Variants in NT5C2 observed in about 807,000 individuals in gnomAD.
NT5C2 encodes the protein 5'-nucleotidase, cytosolic II.
A neutral mutation model predicts 76.1 loss-of-function variants in NT5C2; 58 were observed. The ratio of observed to expected loss-of-function variants is 0.76; its 90% CI spans 0.62 to 0.95. The LOEUF (loss-of-function observed/expected upper bound fraction) is 0.95, where lower values mean the gene tolerates loss of function less well. Among genes scored for constraint, NT5C2 ranks in the 40% least tolerant of loss-of-function variants. The pLI is 0.00. For synonymous variants in NT5C2, 229 were observed against 237.4 expected (o/e 0.96, Z 0.32); for missense variants, 478 against 690.3 (o/e 0.69, Z 3.45).
chr10:103,175,449 G>A (rs1014834536), intron 2 of NT5C2: 6 of 160,166 alleles, frequency 3.7e-5, no homozygotes, highest in South Asian at 1.8e-4. Context: ...CCCCATTCCC[G>A]TAAGACGCCA....
At chr10:103,191,098 A>C (rs1478030458) in intron 1 of NT5C2, among the ~76,000 whole-genome samples, 1 of 152,204 alleles carries the variant, frequency 6.6e-6, no homozygotes, top group Non-Finnish European at 1.5e-5. Context: ...TTGGTAAGAG[A>C]ATTAAGCAAC....
rs1251915161 is a variant in NT5C2, at chr10:103,156,357, A to G, written c.102-16878T>C. Among the ~76,000 whole-genome samples the G allele has an allele frequency of 2.0e-5, 3 of 152,206 alleles. No homozygotes were observed. The East Asian group carries it at 5.8e-4, about 29-fold the overall frequency. The stretch of plus-strand genomic sequence containing the variant: ...TGCTTAAATAAGACACTAAAATTTG[A>G]GCATGGTGACTATATTATTCCTCAC... On this transcript the variant is annotated intron_variant, in intron 3 of 18. Transcript: ENST00000404739.
intron 2 of NT5C2, among the ~76,000 whole-genome samples, chr10:103,180,938 GTACA>G (rs1408185040): frequency 6.6e-6 from 1 of 152,030 alleles, no homozygotes; most frequent in Non-Finnish European, 1.5e-5. Context: ...GACAAAAAGA[GTACA>G]TAGTGTATGA....
At chr10:103,171,901 T>C (rs1439952909) in intron 3 of NT5C2, among the ~76,000 whole-genome samples, 1 of 151,864 alleles carries the variant, frequency 6.6e-6, no homozygotes, top group East Asian at 1.9e-4. Context: ...TCTAATAAAA[T>C]AAATTTTTTT....
intron 4 of NT5C2, among the ~76,000 whole-genome samples, chr10:103,132,441 T>G (rs948782399): frequency 1.3e-5 from 2 of 152,190 alleles, no homozygotes; most frequent in Admixed American, 6.5e-5. Flanking sequence ...GGTGTTAATT[T>G]CTCAGTTTTT....
chr10:103,174,806 G>C, intron 3 of NT5C2, 52 bp downstream of exon 3: 1 of 1,124,056 alleles, frequency 8.9e-7, no homozygotes, highest in Non-Finnish European at 1.4e-6. Flanking sequence ...TCTGTAAAAT[G>C]AAGTCCCACT....
chr10:103,108,322 A>G (rs1310275957), intron 4 of NT5C2, among the ~76,000 whole-genome samples: 2 of 152,222 alleles, frequency 1.3e-5, no homozygotes, highest in African/African-American at 4.8e-5. Flanking sequence ...TGAGGCAAAA[A>G]TATCCATCCT....
chr10:103,163,305 G>A (rs1022309766), intron 3 of NT5C2, among the ~76,000 whole-genome samples: 1 of 152,146 alleles, frequency 6.6e-6, no homozygotes, highest in Admixed American at 6.6e-5. Flanking sequence ...CTAGGAGTGG[G>A]ATTTCTGGGT....
At chr10:103,125,176 T>C (rs1190036512) in intron 4 of NT5C2, 2 of 618,038 alleles carry the variant, frequency 3.2e-6, no homozygotes, top group Admixed American at 2.2e-5. Flanking sequence ...GCACATCAAA[T>C]CTGGGACTCA....
Position 103,090,955 on chromosome 10 carries a change from G to A in NT5C2, c.1253C>T (p.Ser418Phe). The A allele has an allele frequency of 3.1e-6, 5 of 1,613,866 alleles. No individual in the cohort carries two copies. Among genetic ancestry groups the A allele is most frequent in the Non-Finnish European group, 4.2e-6 (5 of 1,179,900 alleles). The change falls in exon 17 of 19, where the codon TCC becomes TTC. Residue 418 changes from serine to phenylalanine, a missense_variant. Coordinates refer to ENST00000404739, the MANE Select transcript of NT5C2 (RefSeq NM_001351169.2). ...GGATACCTTAATACGTCTCTGGATG[G>A]AACTGATGTCTGGACGCTCATTGCT... ...SSSNERPDISSIQRRIKKVTH... is the reference protein window; with the variant it reads ...SSSNERPDISFIQRRIKKVTH...
chr10:103,097,200 T>C (rs2068416732), intron 11 of NT5C2, 91 bp downstream of exon 11: 4 of 972,246 alleles, frequency 4.1e-6, no homozygotes. Context: ...CTATTTTCAC[T>C]TAATAAACTT....
intron 4 of NT5C2, among the ~76,000 whole-genome samples, chr10:103,129,774 G>A (rs1362933731): frequency 3.7e-5 from 4 of 107,388 alleles, no homozygotes; most frequent in South Asian, 3.4e-4. Flanking sequence ...CCCCCCGCCC[G>A]GCCAGCCGCC....
intron 3 of NT5C2, among the ~76,000 whole-genome samples, chr10:103,147,471 C>G (rs1479093027): frequency 6.6e-6 from 1 of 152,162 alleles, no homozygotes; most frequent in Non-Finnish European, 1.5e-5. Flanking sequence ...TATCAATATT[C>G]TGGTTGTGCC....
Position 103,089,457 on chromosome 10 carries a change from C to G in NT5C2, c.*215G>C, listed in dbSNP as rs545546625. ...ATTTTACCCTTATTTTCTTCTAATACAGACTCCATTACAATTTTGGACCAT... is the reference window on the plus strand; with the variant it reads ...ATTTTACCCTTATTTTCTTCTAATAGAGACTCCATTACAATTTTGGACCAT... On this transcript the variant is annotated 3_prime_UTR_variant, in exon 19 of 19. Transcript: ENST00000404739. 1.4e-6 allele frequency: 1 copy of G among 694,772 alleles called. No individual in the cohort carries two copies. The highest frequency in any genetic ancestry group is 3.8e-5 in the Admixed American group (1 of 26,128). The allele number at this position is 694,772 out of a possible 1,614,324, so 43.0% of individuals were successfully genotyped here.
intron 3 of NT5C2, among the ~76,000 whole-genome samples, chr10:103,161,105 G>T (rs937410441): frequency 3.3e-5 from 5 of 152,188 alleles, no homozygotes; most frequent in African/African-American, 1.2e-4. Flanking sequence ...ACTGGAAAAT[G>T]GTTTGGCAAA....
Position 103,101,346 on chromosome 10 carries a change from A to T in NT5C2, c.390-20T>A. ...TCTGGTCTGAAAGAAAAATTTAAAAATTAACTGATTTTTAAAATAACATTA... is the reference window on the plus strand; with the variant it reads ...TCTGGTCTGAAAGAAAAATTTAAAATTTAACTGATTTTTAAAATAACATTA... On this transcript the variant is annotated intron_variant, in intron 6 of 18. Transcript: ENST00000404739. The T allele has an allele frequency of 7.5e-7, 1 of 1,336,920 alleles. No homozygotes were observed. The highest frequency in any genetic ancestry group is 1.1e-6 in the Non-Finnish European group (1 of 945,512). 82.8% of individuals were successfully genotyped at this position (1,336,920 alleles called of 1,614,324 possible).
intron 3 of NT5C2, among the ~76,000 whole-genome samples, chr10:103,166,883 C>T (rs2086540005): frequency 6.6e-6 from 1 of 152,130 alleles, no homozygotes. Context: ...AAATTCCTGG[C>T]CTCAAGCCAT....
intron 3 of NT5C2, among the ~76,000 whole-genome samples, chr10:103,171,827 G>C (rs12219304): frequency 0.093 from 14,173 of 152,188 alleles, 865 homozygotes; most frequent in East Asian, 0.26. Flanking sequence ...GGGAGACCAA[G>C]GCTGGAGGAA....
intron 2 of NT5C2, chr10:103,175,778 C>G: frequency 3.9e-6 from 1 of 253,580 alleles, no homozygotes; most frequent in Non-Finnish European, 7.4e-6. Flanking sequence ...GGTGCTGAGG[C>G]CAAGGGGGCA....
Sources: gnomAD v4.1 joint callset for allele counts (sites outside exome capture counted in the v4.1 genomes callset) on GRCh38, gnomAD v4.1.1 for gene constraint, MANE v1.5 for transcripts, NCBI Gene and HGNC (gene_info 2026-07-23, HGNC 2026-07-21) for gene names.